The following PSMD6 variants were observed in gnomAD, a reference collection of about 807,000 sequenced individuals.
The protein encoded by PSMD6 is proteasome 26S subunit, non-ATPase 6.
Under a neutral mutation model 44.9 loss-of-function variants are expected in PSMD6, and 7 were observed. That is an observed-to-expected ratio of 0.16 (90% confidence interval 0.09 to 0.29). PSMD6 has a LOEUF of 0.29. Ranked by LOEUF, PSMD6 falls within the 10% of genes least tolerant of loss-of-function variation. The pLI is 1.00. For missense variants in PSMD6, 420 were observed against 482.6 expected (o/e 0.87, Z 1.21); for synonymous variants, 184 against 172.7 (o/e 1.07, Z -0.51).
At chr3:64,021,780 C>T (rs1027407677) in intron 2 of PSMD6, among the ~76,000 whole-genome samples, 1 of 150,636 alleles carries the variant, frequency 6.6e-6, no homozygotes, top group Non-Finnish European at 1.5e-5. Context: ...CATTGTACTC[C>T]AGCCTGGGTG....
chr3:64,019,201 T>TA lies in PSMD6; in HGVS notation c.497+94dup, dbSNP rs2076093060. 1.9e-5 allele frequency: 27 copies of TA among 1,453,620 alleles called. No homozygotes were observed. In the South Asian group the frequency reaches 3.0e-4, roughly 16 times the overall value. 90.0% of individuals were successfully genotyped at this position (1,453,620 alleles called of 1,614,324 possible). A position where few individuals can be genotyped will look rare whatever the true frequency, so the allele number is the denominator to read the frequency against. Reference sequence around the variant, plus strand: ...AGTACATCAATTATTTGACCAAACTTACTAGCTGTAAACAAAACAGGCAGT... The same window carrying TA: ...AGTACATCAATTATTTGACCAAACTTAACTAGCTGTAAACAAAACAGGCAGT... On this transcript the variant is annotated intron_variant, in intron 3 of 7. Transcript: ENST00000295901.
chr3:64,023,611 G>T (rs1020724435), upstream of PSMD6: 10 of 1,416,534 alleles, frequency 7.1e-6, no homozygotes, highest in African/African-American at 1.5e-4. Context: ...GCCCCTGTGT[G>T]GTCACGGGGG....
chr3:64,022,341 A>T lies in PSMD6; in HGVS notation c.328T>A (p.Tyr110Asn). 1 of 1,614,226 alleles carries T rather than the reference A, an allele frequency of 6.2e-7. No homozygotes were observed. Among genetic ancestry groups the T allele is most frequent in the South Asian group, 1.1e-5 (1 of 91,084 alleles). ...IRDAMMAKAEYLCRIGDKEGA... is the reference protein window; with the variant it reads ...IRDAMMAKAENLCRIGDKEGA... ...ACTTTGTCACCTATCCGGCAGAGGT[A>T]CTCGGCCTTTGCCATCATTGCATCG... The change falls in exon 2 of 8, where the codon TAC (tyrosine) becomes AAC (asparagine). Residue 110 changes from tyrosine to asparagine, a missense_variant. Coordinates refer to ENST00000295901, the MANE Select transcript of PSMD6 (RefSeq NM_014814.3).
At chr3:64,022,632 TC>T in intron 1 of PSMD6, 109 bp from the exon 2 acceptor site, 1 of 1,569,804 alleles carries the variant, frequency 6.4e-7, no homozygotes. Context: ...ACCAGTCTCT[TC>T]CCCACTAACA....
rs1259387901 is a variant in PSMD6, at chr3:64,010,551, G to A, written c.*117C>T. On this transcript the variant is annotated 3_prime_UTR_variant, in exon 8 of 8. Transcript: ENST00000295901. ...TATGTGTTTAAGAAAAAAATAAATG[G>A]AAAGAAACAACAATGCAGTATTTAT... 1.4e-6 allele frequency: 1 copy of A among 696,954 alleles called. No homozygotes were observed. The highest frequency in any genetic ancestry group is 2.3e-6 in the Non-Finnish European group (1 of 441,716). The allele number at this position is 696,954 out of a possible 1,614,324, so 43.2% of individuals were successfully genotyped here.
intron 2 of PSMD6, chr3:64,019,662 TGCCCAA>T (rs1384973118): frequency 2.2e-6 from 1 of 451,330 alleles, no homozygotes; most frequent in Non-Finnish European, 3.8e-6. Context: ...ACATAAGAAA[TGCCCAA>T]GCATATACTT....
intron 6 of PSMD6, 87 bp downstream of exon 6, chr3:64,013,352 A>G (rs1461032159): frequency 5.2e-6 from 7 of 1,342,242 alleles, no homozygotes; most frequent in Admixed American, 2.5e-5. Context: ...GAGGGAACCA[A>G]TGTAAACAAG....
rs950456498 is a variant in PSMD6 at position 64,021,648 on chromosome 3, A to G, written c.351+670T>C. ...ACATGTTGAAATCCAGTCTCTACTA[A>G]TAATACAAAAAAATTAGCTGGGTGT... On this transcript the variant is annotated intron_variant, in intron 2 of 7. Transcript: ENST00000295901. Among the ~76,000 whole-genome samples the G allele has an allele frequency of 9.2e-5, 14 of 152,238 alleles. No homozygotes were observed. The East Asian group carries it at 2.7e-3, about 29-fold the overall frequency.
At chr3:64,013,354 G>A in intron 6 of PSMD6, 85 bp downstream of exon 6, 1 of 1,347,722 alleles carries the variant, frequency 7.4e-7, no homozygotes, top group African/African-American at 1.5e-5. Context: ...GGGAACCAAT[G>A]TAAACAAGTA....
upstream of PSMD6, chr3:64,023,590 T>TC (rs2076170417): frequency 5.7e-6 from 8 of 1,412,712 alleles, no homozygotes; most frequent in South Asian, 1.3e-4. Context: ...TCACCCGGCC[T>TC]GGGCGCCTGC....
chr3:64,013,692 T>G (rs2075998249), intron 5 of PSMD6, 85 bp from the exon 6 acceptor site: 1 of 1,219,078 alleles, frequency 8.2e-7, no homozygotes, highest in Non-Finnish European at 1.1e-6. Flanking sequence ...ACTAGTTGAG[T>G]CCAACAGATA....
At chr3:64,023,680 G>C (rs2076171919), upstream of PSMD6, 1 of 1,472,536 alleles carries the variant, frequency 6.8e-7, no homozygotes, top group Non-Finnish European at 9.0e-7. Context: ...CAACTCAAAA[G>C]CCCAATTTCT....
chr3:64,011,036 T>G (rs1345164272), intron 6 of PSMD6, 81 bp from the exon 7 acceptor site: 1 of 1,152,804 alleles, frequency 8.7e-7, no homozygotes, highest in Non-Finnish European at 1.2e-6. Context: ...AATACTGTCT[T>G]AAATTTGTAA....
Position 64,018,846 on chromosome 3 carries a change from G to T in PSMD6, c.689C>A (p.Ala230Asp). 1.3e-6 allele frequency: 2 copies of T among 1,590,024 alleles called. No individual in the cohort carries two copies. The highest frequency in any genetic ancestry group is 1.7e-6 in the Non-Finnish European group (2 of 1,158,290). Residue 230 changes from alanine to aspartate, a missense_variant, in exon 4 of 8, where the codon GCC becomes GAC. Physicochemically the swap from Ala to Asp is moderately radical, Grantham distance 126. Transcript: ENST00000295901. ...VTYTVYVSMIALERPDLREKV... is the reference protein window; with the variant it reads ...VTYTVYVSMIDLERPDLREKV... ...TTCCCTGAGATCTGGTCTTTCTAAG[G>T]CAATCATACTGACATAGACAGTATA...
At chr3:64,016,129 A>T (rs773461501) in intron 5 of PSMD6, 4 of 152,046 alleles carry the variant, frequency 2.6e-5, no homozygotes, top group Non-Finnish European at 5.9e-5. Context: ...GGAGCTTGCA[A>T]TGAGCCAAGG....
chr3:64,018,512 T>A, intron 5 of PSMD6, 87 bp downstream of exon 5: 1 of 953,778 alleles, frequency 1.0e-6, no homozygotes, highest in Non-Finnish European at 1.6e-6. Context: ...ATTTCTCAGA[T>A]AGGTGAAAAA....
intron 5 of PSMD6, chr3:64,015,550 T>A (rs1055976816): frequency 6.6e-6 from 1 of 152,224 alleles, no homozygotes; most frequent in Non-Finnish European, 1.5e-5. Context: ...TAGTACACGA[T>A]AGCCACTCAA....
chr3:64,014,212 T>C (rs1261556935), intron 5 of PSMD6: 3 of 152,132 alleles, frequency 2.0e-5, no homozygotes, highest in South Asian at 2.1e-4. Context: ...TAGAAGACAG[T>C]AAAATGTACG....
intron 2 of PSMD6, 187 bp from the exon 3 acceptor site, chr3:64,019,628 C>G (rs1380274880): frequency 1.9e-6 from 1 of 523,968 alleles, no homozygotes; most frequent in African/African-American, 2.0e-5. Flanking sequence ...TCTACTTTCT[C>G]TACCTGTATA....
Sources: allele counts gnomAD v4.1 joint callset (sites outside exome capture counted in the v4.1 genomes callset), GRCh38; gene constraint gnomAD v4.1.1; transcripts MANE v1.5; gene names NCBI Gene and HGNC (gene_info 2026-07-23, HGNC 2026-07-21).